The following EFCAB5 variants were observed in gnomAD, a reference collection of about 807,000 sequenced individuals.
EFCAB5 encodes the protein EF-hand calcium binding domain 5.
A neutral mutation model predicts 167.9 loss-of-function variants in EFCAB5; 131 were observed. That is an observed-to-expected ratio of 0.78 (90% confidence interval 0.68 to 0.90). EFCAB5 has a LOEUF of 0.90. Among genes scored for constraint, EFCAB5 ranks in the 40% least tolerant of loss-of-function variants. The pLI is 0.00. For synonymous variants in EFCAB5, 574 were observed against 602.8 expected (o/e 0.95, Z 0.70); for missense variants, 1,663 against 1,745.2 (o/e 0.95, Z 0.84).
intron 8 of EFCAB5, among the ~76,000 whole-genome samples, 192 bp downstream of exon 8, chr17:30,034,577 C>T (rs868775876): frequency 1.3e-5 from 2 of 152,124 alleles, no homozygotes; most frequent in South Asian, 4.2e-4. Context: ...TGTTTATGAA[C>T]CTTATATTTA....
chr17:30,020,077 G>C (rs2069138430), intron 7 of EFCAB5, among the ~76,000 whole-genome samples: 1 of 152,038 alleles, frequency 6.6e-6, no homozygotes, highest in African/African-American at 2.4e-5. Context: ...TGTCTTCCAA[G>C]TTTATCCATG....
chr17:30,085,597 T>TGTA (rs1458116756), intron 18 of EFCAB5, among the ~76,000 whole-genome samples: 22 of 152,002 alleles, frequency 1.4e-4, no homozygotes, highest in Non-Finnish European at 2.2e-4. Context: ...GGCGGGCGCC[T>TGTA]GTCCCAGCTT....
At chr17:30,059,453 A>G in intron 13 of EFCAB5, 92 bp from the exon 14 acceptor site, 1 of 1,340,956 alleles carries the variant, frequency 7.5e-7, no homozygotes, top group Non-Finnish European at 1.0e-6. Context: ...TTTTAATAGA[A>G]GACGCTGGAC....
intron 7 of EFCAB5, chr17:30,031,681 C>CA (rs1171017676): frequency 1.3e-5 from 2 of 152,140 alleles, no homozygotes; most frequent in African/African-American, 4.8e-5. Flanking sequence ...TGCTTGTTCC[C>CA]ATGGTAACAG....
chr17:30,013,054 A>G (rs1206727947), intron 7 of EFCAB5, among the ~76,000 whole-genome samples: 1 of 152,164 alleles, frequency 6.6e-6, no homozygotes, highest in East Asian at 1.9e-4. Flanking sequence ...GCATCTATTG[A>G]CATAATCATG....
intron 3 of EFCAB5, among the ~76,000 whole-genome samples, chr17:29,952,519 G>T (rs1016831800): frequency 3.9e-5 from 6 of 152,168 alleles, no homozygotes; most frequent in African/African-American, 1.4e-4. Context: ...ATCTAAAAGA[G>T]AATGAATAAG....
intron 7 of EFCAB5, among the ~76,000 whole-genome samples, chr17:30,031,434 T>C (rs1175371480): frequency 6.6e-6 from 1 of 152,238 alleles, no homozygotes; most frequent in Non-Finnish European, 1.5e-5. Flanking sequence ...GTTTATCAGC[T>C]AAGAGGACTG....
At position 30,021,359 on chromosome 17, in the gene EFCAB5, G is replaced by A. The variant is rs1054454389; in HGVS notation, c.1045-12871G>A. Among the ~76,000 whole-genome samples the A allele has an allele frequency of 6.1e-5, 9 of 146,836 alleles. No individual in the cohort carries two copies. The South Asian group carries it at 1.9e-3, about 31-fold the overall frequency. On this transcript the variant is annotated intron_variant, in intron 7 of 22. Coordinates refer to ENST00000394835, the MANE Select transcript of EFCAB5 (RefSeq NM_198529.4). ...TTAATAAATATGGTATATATTATAT[G>A]TAAATATATAAATATTTTTACATTT...
Position 29,943,616 on chromosome 17 carries a change from G to A in EFCAB5, c.157G>A (p.Val53Met), listed in dbSNP as rs1303230111. 1 of 1,585,264 alleles carries A rather than the reference G, an allele frequency of 6.3e-7. No homozygotes were observed. Among genetic ancestry groups the A allele is most frequent in the Non-Finnish European group, 8.6e-7 (1 of 1,165,168 alleles). The change falls in exon 3 of 23, where the codon GTG (valine) becomes ATG (methionine). Residue 53 changes from valine to methionine, a missense_variant. By Grantham distance (21) the Val-to-Met change is conservative. Coordinates refer to ENST00000394835, the MANE Select transcript of EFCAB5 (RefSeq NM_198529.4). ...TGTAAAAGAGGACACCAACAGTGTG[G>A]TGGAGAAAGCAATGGATGAAATCAA... ...VPVKEDTNSV[V>M]EKAMDEIKSQ... is the part of the protein sequence containing the mutation.
chr17:30,037,254 T>TA (rs1246255043), intron 8 of EFCAB5, among the ~76,000 whole-genome samples: 6 of 152,224 alleles, frequency 3.9e-5, no homozygotes, highest in African/African-American at 1.2e-4. Flanking sequence ...TATTCCTAAA[T>TA]ACCTGTGTGT....
At chr17:30,009,005 T>A (rs1300505530) in intron 7 of EFCAB5, among the ~76,000 whole-genome samples, 1 of 152,190 alleles carries the variant, frequency 6.6e-6, no homozygotes, top group East Asian at 1.9e-4. Flanking sequence ...ATTCCTTTAC[T>A]TGTGGCTGCA....
chr17:29,943,372 T>G (rs2067330954), intron 2 of EFCAB5, among the ~76,000 whole-genome samples, 193 bp from the exon 3 acceptor site: 1 of 152,232 alleles, frequency 6.6e-6, no homozygotes, highest in Admixed American at 6.5e-5. Flanking sequence ...ACATTTTATC[T>G]TGTAAATGCA....
At position 30,085,844 on chromosome 17, in the gene EFCAB5, A is replaced by C. The variant is rs2071079878; in HGVS notation, c.3580-1219A>C. Among the ~76,000 whole-genome samples, 3 of 152,352 alleles carry C rather than the reference A, an allele frequency of 2.0e-5. No homozygotes were observed. In the South Asian group the frequency reaches 6.2e-4, roughly 32 times the overall value. ...AACGTTGACAACATTTCCCTTCTAA[A>C]GAGTTTGGAAGAACCCTTGATGTCA... On this transcript the variant is annotated intron_variant, in intron 18 of 22. Transcript: ENST00000394835.
chr17:30,104,173 A>G (rs2071416311), intron 22 of EFCAB5, among the ~76,000 whole-genome samples: 1 of 152,244 alleles, frequency 6.6e-6, no homozygotes, highest in South Asian at 2.1e-4. Flanking sequence ...AGGAACATCA[A>G]CAAATGTGGC....
intron 8 of EFCAB5, among the ~76,000 whole-genome samples, chr17:30,037,524 A>T (rs1406178542): frequency 6.6e-6 from 1 of 152,224 alleles, no homozygotes; most frequent in Non-Finnish European, 1.5e-5. Context: ...TGGGCGAAAG[A>T]TATGAACACA....
Position 30,092,113 on chromosome 17 carries a change from T to C in EFCAB5, c.4180T>C (p.Leu1394=), listed in dbSNP as rs778874564. The C allele has an allele frequency of 2.5e-6, 4 of 1,613,806 alleles. No individual in the cohort carries two copies. The South Asian group carries it at 3.3e-5, about 13-fold the overall frequency. The part of the protein sequence containing the change: ...KAVILFFHPE[L]EFSSDFGSWD... ...GGTTATCTTGTTCTTTCATCCAGAG[T>C]TGGAATTTTCAAGTGACTTTGGAAG... The change falls in exon 21 of 23, where the codon TTG becomes CTG. Residue 1394 remains leucine, a synonymous_variant. Transcript: ENST00000394835.
chr17:30,000,077 C>T, intron 7 of EFCAB5, 101 bp downstream of exon 7: 2 of 778,472 alleles, frequency 2.6e-6, no homozygotes, highest in Non-Finnish European at 2.0e-6. Flanking sequence ...TAAATGAAAG[C>T]ACAAAACTTA....
At chr17:30,062,167 C>G (rs142544996) in intron 14 of EFCAB5, among the ~76,000 whole-genome samples, 2 of 152,262 alleles carry the variant, frequency 1.3e-5, no homozygotes, top group African/African-American at 4.8e-5. Context: ...AGATGGCCAA[C>G]TAGAAGCTCT....
chr17:29,978,287 T>C (rs1165289082), intron 4 of EFCAB5, among the ~76,000 whole-genome samples: 1 of 152,230 alleles, frequency 6.6e-6, no homozygotes, highest in Non-Finnish European at 1.5e-5. Flanking sequence ...ATGAGTGATG[T>C]GAGTGAATGG....
Sources: gnomAD v4.1 joint callset for allele counts (sites outside exome capture counted in the v4.1 genomes callset) on GRCh38, gnomAD v4.1.1 for gene constraint, MANE v1.5 for transcripts, NCBI Gene and HGNC (gene_info 2026-07-23, HGNC 2026-07-21) for gene names.